Variants in CACNA2D1 observed in about 807,000 individuals in gnomAD.
CACNA2D1 encodes the protein voltage-dependent calcium channel subunit alpha-2/delta-1.
In CACNA2D1, 53 loss-of-function variants were observed where a neutral mutation model predicts 171.5. The observed-to-expected ratio is 0.31, with a 90% CI of 0.25 to 0.39. The LOEUF is 0.39. Among genes scored for constraint, CACNA2D1 ranks in the 10% least tolerant of loss-of-function variants. The probability of loss-of-function intolerance (pLI) is 1.00; values close to 1 mark genes in which losing one functional copy is unlikely to be tolerated. For missense variants in CACNA2D1, 903 were observed against 1,299.8 expected (o/e 0.69, Z 4.69); for synonymous variants, 442 against 443.1 (o/e 1.00, Z 0.03).
chr7:82,003,452 T>G (rs1798800075), intron 18 of CACNA2D1, among the ~76,000 whole-genome samples: 1 of 151,862 alleles, frequency 6.6e-6, no homozygotes, highest in Non-Finnish European at 1.5e-5. Context: ...AAATATAGGT[T>G]AATGTCATTC....
chr7:82,375,950 A>ATCTAAAG (rs1344301572), intron 1 of CACNA2D1, among the ~76,000 whole-genome samples: 1 of 152,178 alleles, frequency 6.6e-6, no homozygotes, highest in Non-Finnish European at 1.5e-5. Context: ...ACCACGTGTC[A>ATCTAAAG]CTGTGTTTCT....
At chr7:82,037,802 G>A (rs1231610593) in intron 11 of CACNA2D1, among the ~76,000 whole-genome samples, 2 of 152,078 alleles carry the variant, frequency 1.3e-5, no homozygotes, top group Admixed American at 6.6e-5. Flanking sequence ...TAAGTTTCAA[G>A]TGCTTATTCA....
intron 1 of CACNA2D1, among the ~76,000 whole-genome samples, chr7:82,372,275 T>TA (rs1822499186): frequency 6.6e-6 from 1 of 152,176 alleles, no homozygotes; most frequent in Non-Finnish European, 1.5e-5. Context: ...CAAGCTTAAT[T>TA]AACTTACATA....
chr7:82,255,138 T>G (rs745413368), intron 3 of CACNA2D1, among the ~76,000 whole-genome samples: 2 of 152,184 alleles, frequency 1.3e-5, no homozygotes, highest in African/African-American at 2.4e-5. Flanking sequence ...TTTCTCTGCT[T>G]GAAAAACTGT....
intron 3 of CACNA2D1, among the ~76,000 whole-genome samples, chr7:82,240,619 C>T (rs766006): frequency 0.9 from 136,856 of 152,206 alleles, 61,676 homozygotes; most frequent in East Asian, 1. Context: ...AATTCATCAA[C>T]TAATTTATTT....
chr7:82,293,387 G>T (rs141712686), intron 3 of CACNA2D1, among the ~76,000 whole-genome samples: 1 of 152,140 alleles, frequency 6.6e-6, no homozygotes, highest in Admixed American at 6.5e-5. Flanking sequence ...ATATTTAAGA[G>T]TAAGACTTTG....
chr7:82,383,977 A>G (rs1467648745), intron 1 of CACNA2D1, among the ~76,000 whole-genome samples: 2 of 152,248 alleles, frequency 1.3e-5, no homozygotes, highest in African/African-American at 4.8e-5. Flanking sequence ...CAGCTGCTGC[A>G]AAAATATGTG....
chr7:82,003,776 C>T (rs62462519), intron 18 of CACNA2D1, among the ~76,000 whole-genome samples: 27,183 of 147,716 alleles, frequency 0.18, 2,771 homozygotes, highest in African/African-American at 0.27. Flanking sequence ...TGGAGTTTCG[C>T]TCTTGTTGCC....
chr7:82,094,086 C>T (rs1214291051), intron 6 of CACNA2D1, among the ~76,000 whole-genome samples: 1 of 152,104 alleles, frequency 6.6e-6, no homozygotes, highest in Non-Finnish European at 1.5e-5. Flanking sequence ...CAGCTTGGTA[C>T]TCAAGGGTTT....
chr7:81,966,985 T>C (rs1794763780), intron 31 of CACNA2D1, among the ~76,000 whole-genome samples, 184 bp downstream of exon 31: 1 of 151,498 alleles, frequency 6.6e-6, no homozygotes, highest in Admixed American at 6.6e-5. Flanking sequence ...TTTTTAAAAA[T>C]TCAAGCACTT....
intron 3 of CACNA2D1, among the ~76,000 whole-genome samples, chr7:82,261,680 G>T (rs1049440085): frequency 4.6e-5 from 7 of 152,026 alleles, no homozygotes; most frequent in Non-Finnish European, 8.8e-5. Context: ...AATCTGAAAT[G>T]GATAAAAAAT....
chr7:82,389,019 G>A (rs978223563), intron 1 of CACNA2D1, among the ~76,000 whole-genome samples: 1 of 151,738 alleles, frequency 6.6e-6, no homozygotes, highest in Admixed American at 6.6e-5. Context: ...GGGAGACTGA[G>A]ACAGGAGAAT....
At chr7:82,313,184 C>T (rs1191605390) in intron 3 of CACNA2D1, among the ~76,000 whole-genome samples, 1 of 152,110 alleles carries the variant, frequency 6.6e-6, no homozygotes, top group Non-Finnish European at 1.5e-5. Flanking sequence ...TCACAATCTC[C>T]AACCCAAATT....
At chr7:82,093,452 G>A (rs1298834242) in intron 6 of CACNA2D1, among the ~76,000 whole-genome samples, 7 of 151,998 alleles carry the variant, frequency 4.6e-5, no homozygotes, top group Non-Finnish European at 8.8e-5. Context: ...CTAAAACCTA[G>A]TATTTTCTTT....
intron 9 of CACNA2D1, among the ~76,000 whole-genome samples, chr7:82,062,078 T>A (rs970253556): frequency 1.3e-5 from 2 of 152,182 alleles, no homozygotes; most frequent in Non-Finnish European, 2.9e-5. Context: ...TATCCTATAA[T>A]TTGGTAGCCT....
chr7:81,967,120 A>G, intron 31 of CACNA2D1, 49 bp downstream of exon 31: 1 of 1,411,412 alleles, frequency 7.1e-7, no homozygotes, highest in Non-Finnish European at 1.0e-6. Flanking sequence ...TAGCAAGAGT[A>G]ACACAAGGAA....
chr7:82,364,876 A>T (rs1425994998), intron 1 of CACNA2D1, among the ~76,000 whole-genome samples: 1 of 152,056 alleles, frequency 6.6e-6, no homozygotes, highest in Non-Finnish European at 1.5e-5. Flanking sequence ...AATGCAAGAG[A>T]CTCTGTTGTG....
chr7:82,299,478 T>G (rs1004368360), intron 3 of CACNA2D1, among the ~76,000 whole-genome samples: 2 of 151,912 alleles, frequency 1.3e-5, no homozygotes, highest in Admixed American at 1.3e-4. Flanking sequence ...CTGGCCAACA[T>G]GGTGAAACCC....
chr7:82,052,849 T>C (rs1371821066), intron 10 of CACNA2D1, among the ~76,000 whole-genome samples: 6 of 152,186 alleles, frequency 3.9e-5, no homozygotes, highest in African/African-American at 1.4e-4. Flanking sequence ...GCTAAGACTT[T>C]TTCTACTGTT....
Sources: allele counts gnomAD v4.1 joint callset (sites outside exome capture counted in the v4.1 genomes callset), GRCh38; gene constraint gnomAD v4.1.1; transcripts MANE v1.5; gene names NCBI Gene and HGNC (gene_info 2026-07-23, HGNC 2026-07-21).